SLC45A4: variants seen among roughly 807,000 people sequenced by gnomAD.
SLC45A4 encodes the protein solute carrier family 45 member 4, also known as polyamine-transporter SLC45A4.
SLC45A4 carries 32 observed loss-of-function variants against 63.7 expected under a neutral mutation model. The ratio of observed to expected loss-of-function variants is 0.50; its 90% CI spans 0.38 to 0.67. The LOEUF (loss-of-function observed/expected upper bound fraction) is 0.67. SLC45A4 is among the 30% of genes least tolerant of loss of function. The pLI is 0.00. For missense variants in SLC45A4, 1,027 were observed against 1,157.7 expected, an observed-to-expected ratio of 0.89 and a Z score of 1.64; for synonymous variants, 535 against 510.0, an observed-to-expected ratio of 1.05 and a Z score of -0.66.
chr8:141,239,383 TG>T (rs1344451134), intron 2 of SLC45A4, among the ~76,000 whole-genome samples: 1 of 151,998 alleles, frequency 6.6e-6, no homozygotes, highest in Non-Finnish European at 1.5e-5. Context: ...AGGCATCGAG[TG>T]TACCTGAACT....
chr8:141,232,884 G>A (rs376960822), intron 2 of SLC45A4, among the ~76,000 whole-genome samples: 6 of 152,204 alleles, frequency 3.9e-5, no homozygotes, highest in Admixed American at 2.0e-4. Flanking sequence ...CTGGACTGGC[G>A]TCTCCTTTCA....
chr8:141,260,658 T>TC (rs1162060062), intron 1 of SLC45A4, among the ~76,000 whole-genome samples: 3 of 152,138 alleles, frequency 2.0e-5, no homozygotes, highest in African/African-American at 7.2e-5. Context: ...ACATACACCC[T>TC]CCCAAGACTA....
rs777432113 is a variant in SLC45A4 at position 141,218,418 on chromosome 8, T to C, written c.1222A>G (p.Thr408Ala). ...YTRVDTKPSATSSSMRRRRHA... is the reference protein window; with the variant it reads ...YTRVDTKPSAASSSMRRRRHA... ...CGCCGCCGCCGCATGGAGCTCGACG[T>C]GGCCGAGGGCTTCGTGTCCACCCTG... Residue 408 changes from threonine to alanine, a missense_variant, in exon 5 of 9, where the codon ACG becomes GCG. Thr to Ala is a moderately conservative substitution (Grantham distance 58). Coordinates refer to ENST00000517878, the MANE Select transcript of SLC45A4 (RefSeq NM_001286646.2). The C allele has an allele frequency of 6.2e-7, 1 of 1,611,198 alleles. No homozygotes were observed. The highest frequency in any genetic ancestry group is 8.5e-7 in the Non-Finnish European group (1 of 1,179,920).
intron 2 of SLC45A4, among the ~76,000 whole-genome samples, chr8:141,246,272 G>A (rs1417315045): frequency 6.6e-6 from 1 of 152,168 alleles, no homozygotes. Flanking sequence ...CTGCTGCTGC[G>A]TAACAAACTG....
chr8:141,282,817 C>G (rs1160006824), intron 1 of SLC45A4, among the ~76,000 whole-genome samples: 1 of 152,270 alleles, frequency 6.6e-6, no homozygotes, highest in African/African-American at 2.4e-5. Flanking sequence ...CTGAGCTCAG[C>G]TCCTTTCCCG....
At chr8:141,242,508 A>G (rs954914030) in intron 2 of SLC45A4, among the ~76,000 whole-genome samples, 2 of 151,620 alleles carry the variant, frequency 1.3e-5, no homozygotes, top group African/African-American at 2.4e-5. Context: ...AGAACACCAT[A>G]CTCCCCCATT....
chr8:141,303,481 A>G (rs1830811971), intron 1 of SLC45A4, among the ~76,000 whole-genome samples: 1 of 151,994 alleles, frequency 6.6e-6, no homozygotes, highest in Non-Finnish European at 1.5e-5. Flanking sequence ...TCATATATAA[A>G]AGTATAATGA....
At chr8:141,239,282 A>G (rs971541220) in intron 2 of SLC45A4, among the ~76,000 whole-genome samples, 6 of 152,196 alleles carry the variant, frequency 3.9e-5, no homozygotes, top group African/African-American at 1.4e-4. Context: ...ATCCACAGAC[A>G]TCCCTGGGTC....
intron 1 of SLC45A4, among the ~76,000 whole-genome samples, chr8:141,266,195 G>A (rs1445468973): frequency 6.6e-6 from 1 of 152,178 alleles, no homozygotes; most frequent in African/African-American, 2.4e-5. Flanking sequence ...ACACGCGTCC[G>A]CACGGTGACC....
intron 1 of SLC45A4, among the ~76,000 whole-genome samples, chr8:141,284,808 C>A (rs1330693172): frequency 6.6e-6 from 1 of 152,092 alleles, no homozygotes; most frequent in East Asian, 1.9e-4. Context: ...CCCCTCCGCA[C>A]CCCAGGAGGC....
intron 3 of SLC45A4, among the ~76,000 whole-genome samples, chr8:141,220,119 T>C (rs1379543552): frequency 2.0e-5 from 3 of 152,278 alleles, no homozygotes; most frequent in African/African-American, 2.4e-5. Flanking sequence ...AGGGGAAGAA[T>C]AGACCTTTCT....
At position 141,244,693 on chromosome 8, in the gene SLC45A4, G is replaced by GT. The variant is rs1338694592; in HGVS notation, c.241+9295dup. Among the ~76,000 whole-genome samples the GT allele has an allele frequency of 3.3e-5, 5 of 152,294 alleles. No individual in the cohort carries two copies. In the East Asian group the frequency reaches 9.7e-4, roughly 29 times the overall value. ...GACAAGTCTGGCCTGGAGATGGGCT[G>GT]TATTTCATCAAATCCAAGATGCCAC... On this transcript the variant is annotated intron_variant, in intron 2 of 8. Transcript: ENST00000517878.
intron 1 of SLC45A4, among the ~76,000 whole-genome samples, chr8:141,296,373 G>A (rs904645042): frequency 2.6e-5 from 4 of 151,442 alleles, no homozygotes; most frequent in African/African-American, 9.7e-5. Context: ...GGTGGCACAC[G>A]CCTGTAGTCC....
At chr8:141,222,401 C>T (rs570306173) in intron 2 of SLC45A4, among the ~76,000 whole-genome samples, 1 of 152,274 alleles carries the variant, frequency 6.6e-6, no homozygotes, top group African/African-American at 2.4e-5. Flanking sequence ...CAAGGGGTTG[C>T]AGATGGCACC....
intron 2 of SLC45A4, among the ~76,000 whole-genome samples, chr8:141,222,679 C>T (rs1826722983): frequency 6.6e-6 from 1 of 152,256 alleles, no homozygotes; most frequent in Non-Finnish European, 1.5e-5. Context: ...CGAGCGGCCG[C>T]CTTGTGCAGC....
chr8:141,228,067 G>C (rs941145571), intron 2 of SLC45A4: 50 of 1,317,522 alleles, frequency 3.8e-5, no homozygotes, highest in Non-Finnish European at 8.7e-6. Context: ...AGCCCTGAGG[G>C]GAGAGCTGTG....
chr8:141,277,820 T>C (rs1351450880), intron 1 of SLC45A4, among the ~76,000 whole-genome samples: 1 of 152,070 alleles, frequency 6.6e-6, no homozygotes, highest in African/African-American at 2.4e-5. Context: ...TTTTGTATTT[T>C]TTTTGTAGAG....
At chr8:141,285,722 G>A (rs763667396) in intron 1 of SLC45A4, among the ~76,000 whole-genome samples, 3 of 152,202 alleles carry the variant, frequency 2.0e-5, no homozygotes, top group Non-Finnish European at 4.4e-5. Flanking sequence ...AACCCACGGC[G>A]GAAAGCACGA....
chr8:141,260,413 C>G (rs1480338012), intron 1 of SLC45A4, among the ~76,000 whole-genome samples: 1 of 152,156 alleles, frequency 6.6e-6, no homozygotes, highest in East Asian at 1.9e-4. Flanking sequence ...GTTAACCAAC[C>G]TTAATTTCCT....
Sources: allele counts gnomAD v4.1 joint callset (sites outside exome capture counted in the v4.1 genomes callset), GRCh38; gene constraint gnomAD v4.1.1; transcripts MANE v1.5; gene names NCBI Gene and HGNC (gene_info 2026-07-23, HGNC 2026-07-21).